MPHOSPH9: variants seen among roughly 807,000 people sequenced by gnomAD.
MPHOSPH9 encodes M-phase phosphoprotein 9.
MPHOSPH9 carries 88 observed loss-of-function variants against 145.5 expected under a neutral mutation model. That is an observed-to-expected ratio of 0.60 (90% CI 0.51 to 0.72). MPHOSPH9 has a LOEUF of 0.72. Among genes scored for constraint, MPHOSPH9 ranks in the 30% least tolerant of loss-of-function variants. The pLI is 0.00. For synonymous variants in MPHOSPH9, 435 were observed against 486.2 expected (o/e 0.89, Z 1.39); for missense variants, 1,238 against 1,386.6 (o/e 0.89, Z 1.70).
Position 123,198,250 on chromosome 12 carries a change from T to C in MPHOSPH9, c.2022A>G (p.Glu674=). ...CCACCAAAAAAAGAGTACTTACCAC[T>C]TCAATTTCCAGTAAGTTATTCTTAT... ...LENKNNLLEI[E]VNDLRERFSA... Residue 674 remains glutamate (E), a synonymous_variant, in exon 12 of 24, where the codon GAA becomes GAG. Transcript: ENST00000606320. 1 of 1,607,556 alleles carries C rather than the reference T, an allele frequency of 6.2e-7. No homozygotes were observed. The highest frequency in any genetic ancestry group is 8.5e-7 in the Non-Finnish European group (1 of 1,175,880).
intron 12 of MPHOSPH9, among the ~76,000 whole-genome samples, chr12:123,195,675 C>A (rs1197015273): frequency 6.6e-6 from 1 of 152,036 alleles, no homozygotes; most frequent in Non-Finnish European, 1.5e-5. Context: ...CCACTAGGTG[C>A]TAGGCACTAG....
intron 15 of MPHOSPH9, among the ~76,000 whole-genome samples, chr12:123,179,520 A>G (rs1463790896): frequency 1.3e-5 from 2 of 152,100 alleles, no homozygotes; most frequent in Non-Finnish European, 2.9e-5. Flanking sequence ...GGTTGCAGTG[A>G]GCCAAGATTG....
intron 13 of MPHOSPH9, among the ~76,000 whole-genome samples, chr12:123,189,424 G>A (rs918088774): frequency 2.0e-5 from 3 of 152,094 alleles, no homozygotes; most frequent in Admixed American, 6.6e-5. Context: ...CCCTAGAGGC[G>A]CTTGCACACA....
At chr12:123,170,035 T>C (rs951572210) in intron 16 of MPHOSPH9, among the ~76,000 whole-genome samples, 1 of 151,308 alleles carries the variant, frequency 6.6e-6, no homozygotes, top group African/African-American at 2.4e-5. Context: ...TAAAGTGCAG[T>C]GGCATGATCA....
At chr12:123,226,480 T>C in intron 3 of MPHOSPH9, 1 of 227,160 alleles carries the variant, frequency 4.4e-6, no homozygotes, top group South Asian at 9.1e-5. Context: ...CTTAGGAAAG[T>C]CTATCTTGAG....
At chr12:123,202,512 A>G in intron 10 of MPHOSPH9, 112 bp downstream of exon 10, 1 of 1,262,976 alleles carries the variant, frequency 7.9e-7, no homozygotes, top group Non-Finnish European at 1.1e-6. Context: ...TCCATCTTAA[A>G]AATGCTAAAT....
intron 8 of MPHOSPH9, among the ~76,000 whole-genome samples, chr12:123,209,481 A>C (rs2046602138): frequency 6.6e-6 from 1 of 151,956 alleles, no homozygotes; most frequent in Admixed American, 6.6e-5. Context: ...ATCTCGGTTC[A>C]GTGCAACCTC....
upstream of MPHOSPH9, among the ~76,000 whole-genome samples, chr12:123,236,902 G>A (rs189376747): frequency 5.9e-5 from 9 of 151,970 alleles, no homozygotes; most frequent in East Asian, 1.2e-3. Context: ...TGAGAAACAC[G>A]GTGAATCCCC....
intron 1 of MPHOSPH9, among the ~76,000 whole-genome samples, chr12:123,238,223 A>G (rs1185923955): frequency 6.6e-6 from 1 of 152,106 alleles, no homozygotes; most frequent in Non-Finnish European, 1.5e-5. Flanking sequence ...ATGAATTATT[A>G]TTATTAAGCA....
chr12:123,240,698 ATAGAT>A lies in MPHOSPH9; in HGVS notation c.-159+3150_-159+3154del. On this transcript the variant is annotated intron_variant, in intron 1 of 2. Coordinates refer to the MPHOSPH9 transcript ENST00000545406. ...ATTGACATCTCATGCTTTCCTGAAA[ATAGAT>A]TAAATATCCTTTATTTTATTGACCT... 1.3e-5 allele frequency: 2 copies of A among 149,718 alleles called. 1 individual carries two copies. The highest frequency in any genetic ancestry group is 3.9e-4 in the East Asian group (2 of 5,110). The allele number at this position is 149,718 out of a possible 1,614,324, so 9.3% of individuals were successfully genotyped here. A position where few individuals can be genotyped will look rare whatever the true frequency, so the allele number is the denominator to read the frequency against.
intron 1 of MPHOSPH9, among the ~76,000 whole-genome samples, chr12:123,231,505 GTC>G (rs2047633892): frequency 6.6e-6 from 1 of 152,020 alleles, no homozygotes; most frequent in South Asian, 2.1e-4. Context: ...ATGGTCTTTT[GTC>G]TCTGTGCAGC....
chr12:123,241,212 G>T (rs907980770), intron 1 of MPHOSPH9, among the ~76,000 whole-genome samples: 11 of 149,858 alleles, frequency 7.3e-5, no homozygotes, highest in Middle Eastern at 3.4e-3. Flanking sequence ...AGCTGATCAT[G>T]AACTCCCAGC....
At chr12:123,221,947 T>C (rs762904681) in intron 4 of MPHOSPH9, 52 bp from the exon 5 acceptor site, 314 of 897,564 alleles carry the variant, frequency 3.5e-4, no homozygotes, top group Non-Finnish European at 4.6e-4. Context: ...AAACATCATA[T>C]TTTTATGACT....
intron 17 of MPHOSPH9, 55 bp from the exon 18 acceptor site, chr12:123,165,532 C>T (rs1038771307): frequency 6.2e-6 from 9 of 1,450,398 alleles, no homozygotes; most frequent in Admixed American, 3.6e-5. Flanking sequence ...CTGTATCTTG[C>T]CCCCCGCCCC....
At chr12:123,161,756 C>G (rs1363821542) in intron 21 of MPHOSPH9, among the ~76,000 whole-genome samples, 1 of 151,528 alleles carries the variant, frequency 6.6e-6, no homozygotes, top group African/African-American at 2.4e-5. Context: ...AGGGCCTACC[C>G]AAGTGATTTC....
chr12:123,162,915 T>G, intron 20 of MPHOSPH9, 99 bp downstream of exon 20: 1 of 1,199,966 alleles, frequency 8.3e-7, no homozygotes, highest in South Asian at 1.9e-5. Flanking sequence ...GAGTTCCCAC[T>G]GGTAACTGAA....
chr12:123,220,737 C>CA (rs1260214969), intron 5 of MPHOSPH9, among the ~76,000 whole-genome samples: 1 of 151,936 alleles, frequency 6.6e-6, no homozygotes, highest in East Asian at 2.0e-4. Context: ...GCTTGGGCAA[C>CA]AAAGCAAGAC....
chr12:123,234,360 A>G (rs1229164525), upstream of MPHOSPH9, among the ~76,000 whole-genome samples: 1 of 149,132 alleles, frequency 6.7e-6, no homozygotes, highest in African/African-American at 2.5e-5. Context: ...CTTCCTAAGT[A>G]TACCTACCAA....
intron 13 of MPHOSPH9, among the ~76,000 whole-genome samples, chr12:123,192,938 G>T (rs934503000): frequency 1.3e-5 from 2 of 151,330 alleles, no homozygotes; most frequent in African/African-American, 2.4e-5. Flanking sequence ...ATTAGCTGGT[G>T]GCACGCGCCT....
Sources: gnomAD v4.1 joint callset for allele counts (sites outside exome capture counted in the v4.1 genomes callset) on GRCh38, gnomAD v4.1.1 for gene constraint, MANE v1.5 for transcripts, NCBI Gene and HGNC (gene_info 2026-07-23, HGNC 2026-07-21) for gene names.